TRDMT1: variants seen among roughly 807,000 people sequenced by gnomAD.
TRDMT1 encodes the protein tRNA (cytosine(38)-C(5))-methyltransferase.
Under a neutral mutation model 51.2 loss-of-function variants are expected in TRDMT1, and 49 were observed. The ratio of observed to expected loss-of-function variants is 0.96; its 90% CI spans 0.76 to 1.21. TRDMT1 has a LOEUF of 1.21. TRDMT1 is among the 50% of genes most tolerant of loss of function. TRDMT1 has a pLI of 0.00. For synonymous variants in TRDMT1, 187 were observed against 164.6 expected (o/e 1.14, Z -1.04); for missense variants, 534 against 462.3 (o/e 1.16, Z -1.42).
At chr10:17,175,861 G>A (rs935598278) in intron 1 of TRDMT1, among the ~76,000 whole-genome samples, 12 of 152,010 alleles carry the variant, frequency 7.9e-5, no homozygotes, top group African/African-American at 2.7e-4. Flanking sequence ...TGTCTCCAAG[G>A]ATTGATACTA....
At chr10:17,189,544 T>A (rs1408112204) in intron 1 of TRDMT1, among the ~76,000 whole-genome samples, 1 of 152,108 alleles carries the variant, frequency 6.6e-6, no homozygotes, top group Non-Finnish European at 1.5e-5. Context: ...AATCTGAATA[T>A]TCAAATAATA....
Position 17,157,446 on chromosome 10 carries a change from G to C in TRDMT1, c.882C>G (p.Thr294=). The C allele has an allele frequency of 6.3e-7, 1 of 1,596,766 alleles. No homozygotes were observed. The highest frequency in any genetic ancestry group is 8.6e-7 in the Non-Finnish European group (1 of 1,168,180). ...AATAGATCTTTAAAACCTACCCTTT[G>C]GTAAAGCACACGGACCTTCTACAAG... is the stretch of plus-strand genomic sequence containing the variant. The part of the protein sequence containing the change: ...QPTCRRSVCF[T]KGYGSYIEGT... The change falls in exon 8 of 11, where the codon ACC becomes ACG. Residue 294 remains threonine (T), a synonymous_variant. Coordinates refer to ENST00000377799, the MANE Select transcript of TRDMT1 (RefSeq NM_004412.7).
intron 3 of TRDMT1, among the ~76,000 whole-genome samples, chr10:17,165,305 C>T (rs541610735): frequency 6.6e-6 from 1 of 152,310 alleles, no homozygotes; most frequent in Non-Finnish European, 1.5e-5. Context: ...GCTGGCAAAA[C>T]TGGCTAGCCA....
intron 3 of TRDMT1, among the ~76,000 whole-genome samples, chr10:17,167,951 A>G (rs1252883445): frequency 1.3e-5 from 2 of 152,180 alleles, no homozygotes; most frequent in Non-Finnish European, 2.9e-5. Context: ...CTTTTGACCA[A>G]ATTAATTTGC....
Position 17,143,098 on chromosome 10 carries a change from C to G in TRDMT1, c.*5942G>C. ...GAGTAACTTTGGCTGTTCCTCTGGG[C>G]ATGGAAGAAGTGGCAGTAACAGACA... On this transcript the variant is annotated 3_prime_UTR_variant, in exon 11 of 11. Transcript: ENST00000377799. 1.0e-6 allele frequency: 1 copy of G among 985,400 alleles called. No homozygotes were observed. The highest frequency in any genetic ancestry group is 1.2e-6 in the Non-Finnish European group (1 of 829,928). The allele number at this position is 985,400 out of a possible 1,614,324, so 61.0% of individuals were successfully genotyped here.
In TRDMT1 at chr10:17,147,228, G is replaced by A. The variant is rs1007021765; in HGVS notation, c.*1812C>T. The A allele has an allele frequency of 1.0e-6, 1 of 985,794 alleles. No individual in the cohort carries two copies. Among genetic ancestry groups the A allele is most frequent in the Admixed American group, 6.1e-5 (1 of 16,278 alleles). 61.1% of individuals were successfully genotyped at this position (985,794 alleles called of 1,614,324 possible). ...AAGTGTGCCAAAATAATTTGTGATT[G>A]TTTACTGAAATTTATGAGACTTGTA... On this transcript the variant is annotated 3_prime_UTR_variant, in exon 11 of 11. Coordinates refer to ENST00000377799, the MANE Select transcript of TRDMT1 (RefSeq NM_004412.7).
intron 1 of TRDMT1, among the ~76,000 whole-genome samples, chr10:17,179,646 T>C (rs1156801261): frequency 6.6e-6 from 1 of 151,764 alleles, no homozygotes; most frequent in East Asian, 1.9e-4. Context: ...ACTCATACTG[T>C]TCATCTGGGA....
Position 17,168,840 on chromosome 10 carries a change from C to A in TRDMT1, c.251+1G>T, listed in dbSNP as rs1402687254. 2.5e-6 allele frequency: 4 copies of A among 1,604,252 alleles called. No homozygotes were observed. The Admixed American group carries it at 6.7e-5, about 27-fold the overall frequency. Reference sequence around the variant, plus strand: ...AACACTGAAATATTTATGACACATACCTTGTGAATGGCTGGCAGGGAGGGC... The same window carrying A: ...AACACTGAAATATTTATGACACATAACTTGTGAATGGCTGGCAGGGAGGGC... On this transcript the variant is annotated splice_donor_variant, in intron 3 of 10. Coordinates refer to ENST00000377799, the MANE Select transcript of TRDMT1 (RefSeq NM_004412.7). LOFTEE classifies it high-confidence loss of function.
In TRDMT1 at chr10:17,183,578, C is replaced by T. The variant is rs568553915; in HGVS notation, c.65-8918G>A. Reference sequence around the variant, plus strand: ...GACTACAGGTGTGTGCCACCACGCCCGGCTAATTTTTGTATTTTTAGAAAG... The same window carrying T: ...GACTACAGGTGTGTGCCACCACGCCTGGCTAATTTTTGTATTTTTAGAAAG... On this transcript the variant is annotated intron_variant, in intron 1 of 10. Coordinates refer to ENST00000377799, the MANE Select transcript of TRDMT1 (RefSeq NM_004412.7). 5.3e-5 allele frequency among the ~76,000 whole-genome samples: 8 copies of T among 152,048 alleles called. No homozygotes were observed. In the South Asian group the frequency reaches 1.5e-3, roughly 28 times the overall value.
rs146022216 is a variant in TRDMT1 at position 17,169,192 on chromosome 10, G to T, written c.175-275C>A. 1.4e-3 allele frequency: 814 copies of T among 564,488 alleles called. 4 individuals are homozygous for T. Among genetic ancestry groups the T allele is most frequent in the African/African-American group, 0.013 (688 of 51,596 alleles). 35.0% of individuals were successfully genotyped at this position (564,488 alleles called of 1,614,324 possible). ...TGTTTCCTGGATCCTAAGCACATCT[G>T]GCCTGTATCACACCTCAAGTGTAAC... is the stretch of plus-strand genomic sequence containing the variant. On this transcript the variant is annotated intron_variant, in intron 2 of 10. Transcript: ENST00000377799.
chr10:17,179,448 T>C lies in TRDMT1; in HGVS notation c.65-4788A>G, dbSNP rs1386192383. Among the ~76,000 whole-genome samples the C allele has an allele frequency of 2.6e-5, 4 of 152,150 alleles. No homozygotes were observed. In the East Asian group the frequency reaches 7.7e-4, roughly 29 times the overall value. ...GAATATAGGTAACGAACGCCTAGGA[T>C]ACAGTAAATGCTCAATAATTATTAA... is the stretch of plus-strand genomic sequence containing the variant. On this transcript the variant is annotated intron_variant, in intron 1 of 10. Transcript: ENST00000377799.
intron 10 of TRDMT1, chr10:17,150,391 T>C (rs944837225): frequency 4.1e-6 from 4 of 985,318 alleles, no homozygotes; most frequent in Non-Finnish European, 4.8e-6. Context: ...CCCACGGGTG[T>C]TTTTACACTC....
chr10:17,162,263 C>CA (rs74261044), intron 3 of TRDMT1, 26 bp from the exon 4 acceptor site: 750 of 965,586 alleles, frequency 7.8e-4, no homozygotes, highest in Non-Finnish European at 8.6e-4. Context: ...AAAAAAAAAA[C>CA]AAAAAAAAAC....
chr10:17,178,961 G>A (rs1842947046), intron 1 of TRDMT1, among the ~76,000 whole-genome samples: 1 of 151,996 alleles, frequency 6.6e-6, no homozygotes, highest in Non-Finnish European at 1.5e-5. Context: ...TATATCTTAG[G>A]AGAATTTATT....
chr10:17,180,764 C>T (rs1375137862), intron 1 of TRDMT1, among the ~76,000 whole-genome samples: 2 of 152,060 alleles, frequency 1.3e-5, no homozygotes, highest in Admixed American at 6.6e-5. Flanking sequence ...GTCCCTCTTC[C>T]CATTTCAAAC....
At chr10:17,156,965 T>C (rs1167937858) in intron 8 of TRDMT1, among the ~76,000 whole-genome samples, 3 of 152,210 alleles carry the variant, frequency 2.0e-5, no homozygotes, top group African/African-American at 7.2e-5. Context: ...TTGGAAACCT[T>C]GGGCATATAT....
chr10:17,184,427 A>G (rs1032998539), intron 1 of TRDMT1, among the ~76,000 whole-genome samples: 10 of 150,948 alleles, frequency 6.6e-5, no homozygotes, highest in Non-Finnish European at 1.0e-4. Flanking sequence ...TTATTTTAAT[A>G]TTTTATAACA....
chr10:17,158,342 T>C (rs1839848367), intron 7 of TRDMT1, among the ~76,000 whole-genome samples: 1 of 152,108 alleles, frequency 6.6e-6, no homozygotes, highest in Non-Finnish European at 1.5e-5. Flanking sequence ...AGGAAAACCA[T>C]TCCAGGAATT....
intron 2 of TRDMT1, among the ~76,000 whole-genome samples, chr10:17,172,665 T>G (rs1418064455): frequency 6.6e-6 from 1 of 152,164 alleles, no homozygotes; most frequent in African/African-American, 2.4e-5. Context: ...CAAACTTTGA[T>G]CTAAAACACA....
Sources: gnomAD v4.1 joint callset for allele counts (sites outside exome capture counted in the v4.1 genomes callset) on GRCh38, gnomAD v4.1.1 for gene constraint, MANE v1.5 for transcripts, NCBI Gene and HGNC (gene_info 2026-07-23, HGNC 2026-07-21) for gene names.